Variants in PPFIA2 observed in about 807,000 individuals in gnomAD.
PPFIA2 encodes PPFI scaffold protein A2.
In PPFIA2, 46 loss-of-function variants were observed where a neutral mutation model predicts 175.5. The observed-to-expected ratio is 0.26, with a 90% CI of 0.21 to 0.34. The LOEUF (loss-of-function observed/expected upper bound fraction) is 0.34. PPFIA2 is among the 10% of genes least tolerant of loss of function. The pLI is 1.00. For missense variants in PPFIA2, 1,179 were observed against 1,506.1 expected (o/e 0.78, Z 3.60); for synonymous variants, 568 against 511.4 (o/e 1.11, Z -1.49).
chr12:81,641,117 A>G (rs2064908355), intron 4 of PPFIA2, among the ~76,000 whole-genome samples: 1 of 152,116 alleles, frequency 6.6e-6, no homozygotes. Context: ...GGAACATTTC[A>G]AATCTTCTCT....
At chr12:81,482,540 T>G (rs969573605) in intron 4 of PPFIA2, among the ~76,000 whole-genome samples, 1 of 152,134 alleles carries the variant, frequency 6.6e-6, no homozygotes, top group Non-Finnish European at 1.5e-5. Flanking sequence ...ATATACACCA[T>G]GGAATACTAT....
At chr12:81,648,913 C>G (rs947612063) in intron 4 of PPFIA2, among the ~76,000 whole-genome samples, 1 of 151,330 alleles carries the variant, frequency 6.6e-6, no homozygotes, top group African/African-American at 2.4e-5. Context: ...AGAAATATAA[C>G]TAGAACAATT....
chr12:81,751,110 G>A (rs2083704971), intron 3 of PPFIA2, among the ~76,000 whole-genome samples: 1 of 151,880 alleles, frequency 6.6e-6, no homozygotes, highest in African/African-American at 2.4e-5. Flanking sequence ...TAAAGATACA[G>A]AGTAGGTTAT....
chr12:81,443,230 A>G (rs546512765), intron 6 of PPFIA2, among the ~76,000 whole-genome samples: 31 of 152,122 alleles, frequency 2.0e-4, no homozygotes, highest in African/African-American at 7.5e-4. Flanking sequence ...GGTCAGTACT[A>G]GGATTATCTT....
intron 3 of PPFIA2, among the ~76,000 whole-genome samples, chr12:81,721,361 G>A (rs1267515139): frequency 6.6e-6 from 1 of 151,174 alleles, no homozygotes; most frequent in African/African-American, 2.4e-5. Context: ...AACTCCAATT[G>A]GGAAGGGACT....
intron 17 of PPFIA2, among the ~76,000 whole-genome samples, chr12:81,350,075 G>C (rs2059754841): frequency 6.6e-6 from 1 of 152,124 alleles, no homozygotes; most frequent in Non-Finnish European, 1.5e-5. Context: ...ATTGTTACTA[G>C]AAATTACTAC....
chr12:81,418,867 A>T (rs1014127617), intron 7 of PPFIA2, among the ~76,000 whole-genome samples: 1 of 151,970 alleles, frequency 6.6e-6, no homozygotes, highest in Non-Finnish European at 1.5e-5. Flanking sequence ...GTTTTTTCAC[A>T]TGCTATTTTG....
Position 81,627,524 on chromosome 12 carries a change from G to A in PPFIA2, c.303+49267C>T, listed in dbSNP as rs182336112. Among the ~76,000 whole-genome samples, 621 of 152,166 alleles carry A rather than the reference G, an allele frequency of 4.1e-3. 3 individuals are homozygous for A. Among genetic ancestry groups the A allele is most frequent in the African/African-American group, 0.014 (582 of 41,516 alleles). On this transcript the variant is annotated intron_variant, in intron 4 of 32. Coordinates refer to ENST00000549396, the MANE Select transcript of PPFIA2 (RefSeq NM_003625.5). ...CTGTTTTTCCAAGACATCATTACTA[G>A]AAAGATGTCATCTGATTCCCGTGTC...
intron 4 of PPFIA2, among the ~76,000 whole-genome samples, chr12:81,560,264 G>T (rs2069758494): frequency 6.6e-6 from 1 of 150,922 alleles, no homozygotes. Flanking sequence ...CTGTGTGTAT[G>T]TGTGTGTGTG....
chr12:81,678,064 G>T (rs1032923100), intron 3 of PPFIA2, among the ~76,000 whole-genome samples: 4 of 151,824 alleles, frequency 2.6e-5, no homozygotes, highest in African/African-American at 9.7e-5. Flanking sequence ...TGCTGGAAAG[G>T]AGTTTTGGGT....
At chr12:81,304,615 A>C (rs1594381259) in intron 22 of PPFIA2, among the ~76,000 whole-genome samples, 1 of 152,142 alleles carries the variant, frequency 6.6e-6, no homozygotes, top group South Asian at 2.1e-4. Context: ...GTATGGTGGG[A>C]ATGTTTTAAG....
intron 22 of PPFIA2, among the ~76,000 whole-genome samples, chr12:81,299,867 T>C (rs1425721263): frequency 6.6e-6 from 1 of 152,154 alleles, no homozygotes; most frequent in African/African-American, 2.4e-5. Context: ...GATTTTAGTA[T>C]GCCCTGTGGG....
At chr12:81,368,234 A>G in intron 13 of PPFIA2, 4 of 1,082,902 alleles carry the variant, frequency 3.7e-6, no homozygotes, top group Non-Finnish European at 5.0e-6. Flanking sequence ...TTCTGAAATA[A>G]TGCAGCTGAA....
chr12:81,484,811 A>C (rs1358207802), intron 4 of PPFIA2, among the ~76,000 whole-genome samples: 1 of 151,932 alleles, frequency 6.6e-6, no homozygotes, highest in Admixed American at 6.6e-5. Flanking sequence ...TTAAGGCTAT[A>C]AGTTGTGATG....
chr12:81,340,030 C>T (rs1485044285), intron 20 of PPFIA2, among the ~76,000 whole-genome samples: 1 of 152,060 alleles, frequency 6.6e-6, no homozygotes. Flanking sequence ...GATCAATAGA[C>T]ATTGTTATTA....
chr12:81,585,821 C>A (rs535277726), intron 4 of PPFIA2, among the ~76,000 whole-genome samples: 4 of 151,946 alleles, frequency 2.6e-5, no homozygotes, highest in Admixed American at 2.6e-4. Context: ...AGTTTATTAT[C>A]ATTATCAAGT....
chr12:81,594,171 C>T (rs1181199833), intron 4 of PPFIA2, among the ~76,000 whole-genome samples: 2 of 152,046 alleles, frequency 1.3e-5, no homozygotes, highest in Non-Finnish European at 2.9e-5. Context: ...CCATCCCTTC[C>T]CGTCCCCCTC....
intron 9 of PPFIA2, chr12:81,378,041 C>A (rs7971000): frequency 0.16 from 24,401 of 152,040 alleles, 2,720 homozygotes; most frequent in East Asian, 0.42. Flanking sequence ...GGAAGTCAGT[C>A]AGAGAATTGC....
At chr12:81,695,502 T>C (rs2075795448) in intron 3 of PPFIA2, among the ~76,000 whole-genome samples, 1 of 152,142 alleles carries the variant, frequency 6.6e-6, no homozygotes, top group African/African-American at 2.4e-5. Context: ...CTGAGGCTTC[T>C]TCAGAAGCCA....
Sources: gnomAD v4.1 joint callset for allele counts (sites outside exome capture counted in the v4.1 genomes callset) on GRCh38, gnomAD v4.1.1 for gene constraint, MANE v1.5 for transcripts, NCBI Gene and HGNC (gene_info 2026-07-23, HGNC 2026-07-21) for gene names.